The following ARNT2 variants were observed in gnomAD, a reference collection of about 807,000 sequenced individuals.
ARNT2 encodes the protein aryl hydrocarbon receptor nuclear translocator 2.
A neutral mutation model predicts 91.7 loss-of-function variants in ARNT2; 36 were observed. The observed-to-expected ratio is 0.39, with a 90% confidence interval of 0.30 to 0.52. ARNT2 has a LOEUF of 0.52. Ranked by LOEUF, ARNT2 falls within the 20% of genes least tolerant of loss-of-function variation. ARNT2 has a pLI of 0.72. For synonymous variants in ARNT2, 365 were observed against 347.1 expected (o/e 1.05, Z -0.57); for missense variants, 775 against 939.3 (o/e 0.83, Z 2.29).
chr15:80,447,120 T>A (rs1247408292), intron 1 of ARNT2, among the ~76,000 whole-genome samples: 1 of 151,494 alleles, frequency 6.6e-6, no homozygotes, highest in Non-Finnish European at 1.5e-5. Flanking sequence ...ATCTGCCTTC[T>A]AGTCTTTTTT....
At chr15:80,431,251 C>A (rs537061008) in intron 1 of ARNT2, among the ~76,000 whole-genome samples, 1 of 152,166 alleles carries the variant, frequency 6.6e-6, no homozygotes, top group East Asian at 1.9e-4. Flanking sequence ...ATGTTCTTCT[C>A]GAGGGCCTGG....
intron 12 of ARNT2, among the ~76,000 whole-genome samples, chr15:80,568,458 GTTT>G (rs1317753077): frequency 6.6e-6 from 1 of 152,172 alleles, no homozygotes; most frequent in Non-Finnish European, 1.5e-5. Context: ...GTGTGCATGT[GTTT>G]TTAAAACCCC....
At chr15:80,505,197 A>G (rs1897257011) in intron 5 of ARNT2, among the ~76,000 whole-genome samples, 1 of 152,212 alleles carries the variant, frequency 6.6e-6, no homozygotes, top group African/African-American at 2.4e-5. Flanking sequence ...AAAACCATGG[A>G]CCAGCGAGTC....
intron 3 of ARNT2, among the ~76,000 whole-genome samples, chr15:80,469,033 T>C (rs1249290942): frequency 6.6e-6 from 1 of 152,220 alleles, no homozygotes; most frequent in Non-Finnish European, 1.5e-5. Context: ...GCCTGAGTTG[T>C]TTTTTTCTTG....
intron 12 of ARNT2, among the ~76,000 whole-genome samples, chr15:80,570,404 A>C (rs4778823): frequency 0.084 from 12,797 of 152,228 alleles, 1,652 homozygotes; most frequent in African/African-American, 0.28. Flanking sequence ...GTCCTACATT[A>C]AGTGGAAGGT....
chr15:80,521,817 A>G (rs1298598064), intron 8 of ARNT2, among the ~76,000 whole-genome samples: 2 of 152,108 alleles, frequency 1.3e-5, no homozygotes, highest in Non-Finnish European at 2.9e-5. Context: ...CCGCTGGGTA[A>G]TGGGTTATGT....
intron 8 of ARNT2, among the ~76,000 whole-genome samples, chr15:80,550,610 A>G (rs973211717): frequency 6.6e-6 from 1 of 152,198 alleles, no homozygotes; most frequent in Non-Finnish European, 1.5e-5. Flanking sequence ...CCCTGTGAAG[A>G]GTGAGGATTG....
At chr15:80,496,747 T>C (rs980714830) in intron 5 of ARNT2, among the ~76,000 whole-genome samples, 1 of 152,112 alleles carries the variant, frequency 6.6e-6, no homozygotes, top group East Asian at 1.9e-4. Context: ...CAAAGGAAAA[T>C]GCTTTGTTAG....
chr15:80,447,785 T>C (rs959704309), intron 1 of ARNT2, among the ~76,000 whole-genome samples: 3 of 152,230 alleles, frequency 2.0e-5, no homozygotes, highest in Non-Finnish European at 2.9e-5. Flanking sequence ...TAAAAATCAA[T>C]ATTAGAGAAA....
At chr15:80,532,470 C>T (rs1427816260) in intron 8 of ARNT2, among the ~76,000 whole-genome samples, 1 of 152,148 alleles carries the variant, frequency 6.6e-6, no homozygotes, top group Non-Finnish European at 1.5e-5. Flanking sequence ...TTATCACCAC[C>T]ATCTCAAATA....
At chr15:80,421,587 A>G (rs542928788) in intron 1 of ARNT2, among the ~76,000 whole-genome samples, 57 of 152,344 alleles carry the variant, frequency 3.7e-4, no homozygotes, top group Admixed American at 9.1e-4. Flanking sequence ...GACATTGTAT[A>G]GGTTATATGA....
chr15:80,498,895 C>T (rs1441732943), intron 5 of ARNT2, among the ~76,000 whole-genome samples: 5 of 152,152 alleles, frequency 3.3e-5, no homozygotes, highest in African/African-American at 9.7e-5. Flanking sequence ...GGAGTGGTCT[C>T]CAGACTTCCC....
chr15:80,473,796 T>G (rs538745685), intron 4 of ARNT2, among the ~76,000 whole-genome samples: 71 of 152,200 alleles, frequency 4.7e-4, no homozygotes, highest in Non-Finnish European at 9.1e-4. Flanking sequence ...TCTGGGTCCT[T>G]GTACCCTGCT....
intron 17 of ARNT2, among the ~76,000 whole-genome samples, chr15:80,589,662 A>C (rs1224463943): frequency 6.6e-6 from 1 of 152,196 alleles, no homozygotes. Flanking sequence ...GGTGCCTGTC[A>C]GGTGGGAATT....
At chr15:80,464,688 C>T (rs947576773) in intron 3 of ARNT2, among the ~76,000 whole-genome samples, 2 of 152,206 alleles carry the variant, frequency 1.3e-5, no homozygotes, top group African/African-American at 4.8e-5. Context: ...AGTGGGCCCT[C>T]TCTGCAGGTA....
chr15:80,455,538 T>C (rs1209796693), intron 2 of ARNT2, among the ~76,000 whole-genome samples: 1 of 152,060 alleles, frequency 6.6e-6, no homozygotes, highest in African/African-American at 2.4e-5. Flanking sequence ...CTTCCTTATC[T>C]GTCTGGTCCC....
chr15:80,470,401 C>A lies in ARNT2; in HGVS notation c.378C>A (p.Gly126=). Residue 126 remains glycine (G), a synonymous_variant, in exon 4 of 19, where the codon GGC becomes GGA. Transcript: ENST00000303329. ...GTACAGGGAACAAGTCCACCGATGG[C>A]GCGTACAAGCCTTCCTTCCTCACAG... ...MRGTGNKSTD[G]AYKPSFLTEQ... 6.2e-7 allele frequency: 1 copy of A among 1,614,190 alleles called. No homozygotes were observed. Among genetic ancestry groups the A allele is most frequent in the African/African-American group, 1.3e-5 (1 of 75,056 alleles).
intron 8 of ARNT2, among the ~76,000 whole-genome samples, chr15:80,534,765 C>T (rs7178524): frequency 0.38 from 57,445 of 152,018 alleles, 11,355 homozygotes; most frequent in African/African-American, 0.46. Context: ...TGGACGTCCT[C>T]GCATTTGAAT....
intron 12 of ARNT2, among the ~76,000 whole-genome samples, chr15:80,564,214 G>C (rs1898430315): frequency 6.6e-6 from 1 of 151,946 alleles, no homozygotes; most frequent in Non-Finnish European, 1.5e-5. Flanking sequence ...TCAGTCGGGG[G>C]ACCTGTTTCC....
Sources: gnomAD v4.1 joint callset for allele counts (sites outside exome capture counted in the v4.1 genomes callset) on GRCh38, gnomAD v4.1.1 for gene constraint, MANE v1.5 for transcripts, NCBI Gene and HGNC (gene_info 2026-07-23, HGNC 2026-07-21) for gene names.